Variants in BRIP1 observed in about 807,000 individuals in gnomAD.
BRIP1 encodes Fanconi anemia group J protein.
BRIP1 carries 88 observed loss-of-function variants against 119.7 expected under a neutral mutation model. That is an observed-to-expected ratio of 0.74 (90% CI 0.62 to 0.88). The LOEUF is 0.88. Ranked by LOEUF, BRIP1 falls within the 40% of genes least tolerant of loss-of-function variation. The pLI is 0.00. For synonymous variants in BRIP1, 443 were observed against 496.5 expected, an observed-to-expected ratio of 0.89 and a Z score of 1.43; for missense variants, 1,259 against 1,455.4, an observed-to-expected ratio of 0.87 and a Z score of 2.20.
Position 61,743,162 on chromosome 17 carries a change from A to G in BRIP1, c.2258-28T>C. On this transcript the variant is annotated intron_variant, in intron 15 of 19. Coordinates refer to ENST00000259008, the MANE Select transcript of BRIP1 (RefSeq NM_032043.3). The surrounding 1 kb of genome is among the most constrained non-coding windows in gnomAD (Gnocchi z 4.3). ...TAAACAACAGAAAAAAGCATATCCAAAATTCTCAGAAATTGCTTATTCTTG... is the reference window on the plus strand; with the variant it reads ...TAAACAACAGAAAAAAGCATATCCAGAATTCTCAGAAATTGCTTATTCTTG... 6.2e-7 allele frequency: 1 copy of G among 1,611,886 alleles called. No homozygotes were observed. The highest frequency in any genetic ancestry group is 8.5e-7 in the Non-Finnish European group (1 of 1,178,218).
chr17:61,786,713 T>A (rs906490018), intron 10 of BRIP1, among the ~76,000 whole-genome samples: 1 of 141,688 alleles, frequency 7.1e-6, no homozygotes, highest in African/African-American at 2.6e-5. Flanking sequence ...ATGCTTACAA[T>A]TTACCTTTTT....
At chr17:61,719,486 A>C (rs1240518664) in intron 16 of BRIP1, among the ~76,000 whole-genome samples, 1 of 152,122 alleles carries the variant, frequency 6.6e-6, no homozygotes, top group Admixed American at 6.6e-5. Flanking sequence ...GCACTTTGGG[A>C]AGCTGAGGCG....
chr17:61,855,190 T>C (rs59794823), intron 4 of BRIP1, among the ~76,000 whole-genome samples: 16,861 of 152,138 alleles, frequency 0.11, 3,128 homozygotes, highest in African/African-American at 0.38. Context: ...GTTTAAAAAG[T>C]TTTGGATAAA....
At chr17:61,812,113 G>T (rs1210393069) in intron 6 of BRIP1, among the ~76,000 whole-genome samples, 1 of 152,066 alleles carries the variant, frequency 6.6e-6, no homozygotes, top group Non-Finnish European at 1.5e-5. Flanking sequence ...CTAGAGGAAG[G>T]ATCCTGATGC....
intron 6 of BRIP1, among the ~76,000 whole-genome samples, chr17:61,819,890 T>G (rs992190251): frequency 1.3e-5 from 2 of 152,176 alleles, no homozygotes; most frequent in Non-Finnish European, 2.9e-5. Flanking sequence ...ATAATTGGAT[T>G]ATTTGTAACA....
chr17:61,826,564 A>C (rs1412450218), intron 6 of BRIP1, among the ~76,000 whole-genome samples: 1 of 152,068 alleles, frequency 6.6e-6, no homozygotes, highest in Non-Finnish European at 1.5e-5. Flanking sequence ...CAACCTCATT[A>C]AAAAGTGGGC....
At chr17:61,732,642 AAAGT>A (rs2076864685) in intron 16 of BRIP1, among the ~76,000 whole-genome samples, 1 of 152,214 alleles carries the variant, frequency 6.6e-6, no homozygotes, top group African/African-American at 2.4e-5. Context: ...GCTCTTAAAA[AAAGT>A]TTGTTAAATG....
In BRIP1 at chr17:61,841,968, A is replaced by C. The variant is rs560915671; in HGVS notation, c.627+5133T>G. ...AGTGTTGGGATTACTGGTGTGAGCC[A>C]CCACACCCAGCCAACACCATGTTTA... On this transcript the variant is annotated intron_variant, in intron 6 of 19. Transcript: ENST00000259008. This position sits in a 1 kb window ranked among gnomAD's most constrained non-coding sequence, Gnocchi z 4.1. Among the ~76,000 whole-genome samples, 1 of 152,300 alleles carries C rather than the reference A, an allele frequency of 6.6e-6. No individual in the cohort carries two copies. Among genetic ancestry groups the C allele is most frequent in the East Asian group, 1.9e-4 (1 of 5,192 alleles).
At position 61,681,557 on chromosome 17, in the gene BRIP1, G is replaced by A; in HGVS notation, c.*1739C>T. ...TTTCACTACCCTACTATCCCTATCT[G>A]TGGTTTAAGAATAATACCAGAGGAG... On this transcript the variant is annotated 3_prime_UTR_variant, in exon 20 of 20. Transcript: ENST00000259008. This position sits in a 1 kb window ranked among gnomAD's most constrained non-coding sequence, Gnocchi z 5.1. 1 of 205,784 alleles carries A rather than the reference G, an allele frequency of 4.9e-6. No homozygotes were observed. The highest frequency in any genetic ancestry group is 9.9e-6 in the Non-Finnish European group (1 of 100,512). The allele number at this position is 205,784 out of a possible 1,614,324, so 12.7% of individuals were successfully genotyped here.
rs960850436 is a variant in BRIP1, at chr17:61,738,377, G to C, written c.2379+4636C>G. Among the ~76,000 whole-genome samples, 3 of 152,112 alleles carry C rather than the reference G, an allele frequency of 2.0e-5. No individual in the cohort carries two copies. The highest frequency in any genetic ancestry group is 7.2e-5 in the African/African-American group (3 of 41,430). ...ACTTTTTCTATCCCTTGTCCCTGCAGCTTGAACTATTCTTGTGTCCACTCT... is the reference window on the plus strand; with the variant it reads ...ACTTTTTCTATCCCTTGTCCCTGCACCTTGAACTATTCTTGTGTCCACTCT... On this transcript the variant is annotated intron_variant, in intron 16 of 19. Coordinates refer to ENST00000259008, the MANE Select transcript of BRIP1 (RefSeq NM_032043.3). This position sits in a 1 kb window ranked among gnomAD's most constrained non-coding sequence, Gnocchi z 4.2.
chr17:61,811,282 T>C lies in BRIP1; in HGVS notation c.628-2525A>G, dbSNP rs370870685. Among the ~76,000 whole-genome samples, 5 of 152,200 alleles carry C rather than the reference T, an allele frequency of 3.3e-5. No individual in the cohort carries two copies. The East Asian group carries it at 7.8e-4, about 24-fold the overall frequency. ...TCTTTTTGCCCAGGCTGGAGTGCAA[T>C]GGCATGATCTCGGCTTACCACAACT... On this transcript the variant is annotated intron_variant, in intron 6 of 19. Coordinates refer to ENST00000259008, the MANE Select transcript of BRIP1 (RefSeq NM_032043.3).
rs1348348313 is a variant in BRIP1, at chr17:61,822,090, GT to G, written c.628-13334del. The stretch of plus-strand genomic sequence containing the variant: ...ACATAATAAAAACCTCGTGTGACTG[GT>G]TTTTGATGTGAAAAATATAAATTAA... On this transcript the variant is annotated intron_variant, in intron 6 of 19. Coordinates refer to ENST00000259008, the MANE Select transcript of BRIP1 (RefSeq NM_032043.3). This position sits in a 1 kb window ranked among gnomAD's most constrained non-coding sequence, Gnocchi z 4.4. 2.0e-5 allele frequency among the ~76,000 whole-genome samples: 3 copies of G among 152,114 alleles called. No homozygotes were observed. The highest frequency in any genetic ancestry group is 7.2e-5 in the African/African-American group (3 of 41,412).
In BRIP1 at chr17:61,726,964, AC is replaced by A. The variant is rs1236094963; in HGVS notation, c.2380-10902del. On this transcript the variant is annotated intron_variant, in intron 16 of 19. Transcript: ENST00000259008. The surrounding 1 kb of genome is among the most constrained non-coding windows in gnomAD (Gnocchi z 6.2). ...ATGAGAGCCCGATAACTGTGAATAA[AC>A]TTTTGCTAGCAATAACAACTAACAA... Among the ~76,000 whole-genome samples the A allele has an allele frequency of 6.6e-6, 1 of 152,218 alleles. No homozygotes were observed. Among genetic ancestry groups the A allele is most frequent in the African/African-American group, 2.4e-5 (1 of 41,468 alleles).
rs1013587248 is a variant in BRIP1 at position 61,720,509 on chromosome 17, G to A, written c.2380-4446C>T. ...ATCTGCAGTGGTTTAAGTTAACTGC[G>A]GTCAACTGTGGTCCAAAAATATTAA... On this transcript the variant is annotated intron_variant, in intron 16 of 19. Transcript: ENST00000259008. This position sits in a 1 kb window ranked among gnomAD's most constrained non-coding sequence, Gnocchi z 4.3. Among the ~76,000 whole-genome samples, 7 of 152,036 alleles carry A rather than the reference G, an allele frequency of 4.6e-5. No individual in the cohort carries two copies. Among genetic ancestry groups the A allele is most frequent in the South Asian group, 2.1e-4 (1 of 4,830 alleles).
rs545355999 is a variant in BRIP1 at position 61,706,848 on chromosome 17, C to A, written c.2492+9103G>T. ...TTCTGTCATTAATTAATCCCCAAAC[C>A]ATGCCATAGCTGTAAAAATTCTTCC... is the stretch of plus-strand genomic sequence containing the variant. On this transcript the variant is annotated intron_variant, in intron 17 of 19. Coordinates refer to ENST00000259008, the MANE Select transcript of BRIP1 (RefSeq NM_032043.3). The surrounding 1 kb of genome is among the most constrained non-coding windows in gnomAD (Gnocchi z 5.7). Among the ~76,000 whole-genome samples the A allele has an allele frequency of 6.6e-6, 1 of 152,128 alleles. No homozygotes were observed. The highest frequency in any genetic ancestry group is 1.9e-4 in the East Asian group (1 of 5,196).
chr17:61,756,932 C>T lies in BRIP1; in HGVS notation c.2098-12341G>A, dbSNP rs572073616. ...CTCAAGTCTTAATGCTTTTAATAGGCCTGCCTAAACAGACTACCATCTTTT... is the reference window on the plus strand; with the variant it reads ...CTCAAGTCTTAATGCTTTTAATAGGTCTGCCTAAACAGACTACCATCTTTT... On this transcript the variant is annotated intron_variant, in intron 14 of 19. Transcript: ENST00000259008. This position sits in a 1 kb window ranked among gnomAD's most constrained non-coding sequence, Gnocchi z 4.3. Among the ~76,000 whole-genome samples, 11 of 152,274 alleles carry T rather than the reference C, an allele frequency of 7.2e-5. No individual in the cohort carries two copies. The highest frequency in any genetic ancestry group is 7.2e-4 in the Admixed American group (11 of 15,286).
Position 61,739,342 on chromosome 17 carries a change from A to G in BRIP1, c.2379+3671T>C, listed in dbSNP as rs1243122997. 1 of 198,906 alleles carries G rather than the reference A, an allele frequency of 5.0e-6. No individual in the cohort carries two copies. The highest frequency in any genetic ancestry group is 6.0e-5 in the Admixed American group (1 of 16,590). 12.3% of individuals were successfully genotyped at this position (198,906 alleles called of 1,614,324 possible). A position where few individuals can be genotyped will look rare whatever the true frequency, so the allele number is the denominator to read the frequency against. Reference sequence around the variant, plus strand: ...CAGTAGCTGTAGTCAAGGCAGCATCAGCCATTTTAGAATAGGAGACCCAGC... The same window carrying G: ...CAGTAGCTGTAGTCAAGGCAGCATCGGCCATTTTAGAATAGGAGACCCAGC... On this transcript the variant is annotated intron_variant, in intron 16 of 19. Coordinates refer to ENST00000259008, the MANE Select transcript of BRIP1 (RefSeq NM_032043.3). This position sits in a 1 kb window ranked among gnomAD's most constrained non-coding sequence, Gnocchi z 6.0.
At chr17:61,714,700 A>C (rs2061831123) in intron 17 of BRIP1, among the ~76,000 whole-genome samples, 2 of 152,194 alleles carry the variant, frequency 1.3e-5, no homozygotes, top group Non-Finnish European at 2.9e-5. Flanking sequence ...ATGGGCAAGA[A>C]TATTTAGAAG....
At chr17:61,718,951 AGTT>A (rs2061926769) in intron 16 of BRIP1, among the ~76,000 whole-genome samples, 3 of 152,220 alleles carry the variant, frequency 2.0e-5, no homozygotes, top group Admixed American at 2.0e-4. Flanking sequence ...CTATGCAAAT[AGTT>A]GTTACATTGT....
Sources: allele counts gnomAD v4.1 joint callset (sites outside exome capture counted in the v4.1 genomes callset), GRCh38; gene constraint gnomAD v4.1.1; non-coding constraint Gnocchi (gnomAD v3.1); transcripts MANE v1.5; gene names NCBI Gene and HGNC (gene_info 2026-07-23, HGNC 2026-07-21).